Variants in SLCO4C1 observed in about 807,000 individuals in gnomAD.
SLCO4C1 encodes organic anion transporter M1.
SLCO4C1 carries 58 observed loss-of-function variants against 72.1 expected under a neutral mutation model. The observed-to-expected ratio is 0.80, with a 90% CI of 0.65 to 1.00. The LOEUF (loss-of-function observed/expected upper bound fraction) is 1.00. Ranked by LOEUF, SLCO4C1 falls within the 50% of genes least tolerant of loss-of-function variation. The probability of loss-of-function intolerance (pLI) is 0.00; values close to 1 mark genes in which losing one functional copy is unlikely to be tolerated. For missense variants in SLCO4C1, 898 were observed against 857.9 expected, an observed-to-expected ratio of 1.05 and a Z score of -0.58; for synonymous variants, 297 against 312.5, an observed-to-expected ratio of 0.95 and a Z score of 0.52.
chr5:102,267,271 G>A (rs1388804733), intron 3 of SLCO4C1, among the ~76,000 whole-genome samples: 2 of 152,114 alleles, frequency 1.3e-5, no homozygotes, highest in East Asian at 1.9e-4. Flanking sequence ...TTGTTTCATA[G>A]GAGACTTTTT....
At position 102,235,981 on chromosome 5, in the gene SLCO4C1, T is replaced by A. The variant is rs182380406; in HGVS notation, c.*877A>T. ...GTGCTATGAGTAATGTGTTAAGTGG[T>A]TGGCTTTTCAAATAGGAAAAATTAA... On this transcript the variant is annotated 3_prime_UTR_variant, in exon 13 of 13. Transcript: ENST00000310954. 2.6e-5 allele frequency: 4 copies of A among 152,220 alleles called. No individual in the cohort carries two copies. The highest frequency in any genetic ancestry group is 2.0e-4 in the Admixed American group (3 of 15,284). The allele number at this position is 152,220 out of a possible 1,614,324, so 9.4% of individuals were successfully genotyped here.
At chr5:102,257,449 A>C in intron 7 of SLCO4C1, 139 bp from the exon 8 acceptor site, 1 of 598,716 alleles carries the variant, frequency 1.7e-6, no homozygotes, top group Non-Finnish European at 2.7e-6. Context: ...TACATGTACA[A>C]ATGACTTAAA....
chr5:102,280,695 C>T (rs547154713), intron 2 of SLCO4C1, among the ~76,000 whole-genome samples: 2 of 151,986 alleles, frequency 1.3e-5, no homozygotes, highest in South Asian at 2.1e-4. Context: ...CTTACATGGT[C>T]GCAGGCGAGA....
chr5:102,268,946 G>C (rs912287298), intron 3 of SLCO4C1, among the ~76,000 whole-genome samples: 3 of 152,042 alleles, frequency 2.0e-5, no homozygotes, highest in African/African-American at 7.2e-5. Context: ...ACAGACAGCT[G>C]TGTCCCTCCC....
chr5:102,260,530 T>C (rs1748921719), intron 5 of SLCO4C1, among the ~76,000 whole-genome samples: 1 of 151,490 alleles, frequency 6.6e-6, no homozygotes, highest in Non-Finnish European at 1.5e-5. Context: ...TGTTCAAATA[T>C]GTAAATATCC....
chr5:102,246,840 G>A (rs1199925017), intron 10 of SLCO4C1, among the ~76,000 whole-genome samples: 1 of 152,138 alleles, frequency 6.6e-6, no homozygotes, highest in Non-Finnish European at 1.5e-5. Context: ...GTAATAGCCA[G>A]TTTCTTATTG....
At chr5:102,244,871 G>A (rs1391113025) in intron 10 of SLCO4C1, among the ~76,000 whole-genome samples, 1 of 152,146 alleles carries the variant, frequency 6.6e-6, no homozygotes, top group African/African-American at 2.4e-5. Context: ...TGCCAGGCCT[G>A]TCCTATAAGA....
intron 9 of SLCO4C1, among the ~76,000 whole-genome samples, chr5:102,248,585 C>T (rs1372546742): frequency 2.0e-5 from 3 of 152,004 alleles, no homozygotes; most frequent in Non-Finnish European, 4.4e-5. Flanking sequence ...TGACTAAAAC[C>T]CTTCCTAATA....
chr5:102,242,715 T>C (rs1440858715), intron 10 of SLCO4C1, among the ~76,000 whole-genome samples: 1 of 152,112 alleles, frequency 6.6e-6, no homozygotes, highest in Admixed American at 6.6e-5. Context: ...AGATACTACA[T>C]TGAGGGCGTT....
chr5:102,239,209 A>G, intron 12 of SLCO4C1, 42 bp downstream of exon 12: 1 of 1,481,152 alleles, frequency 6.8e-7, no homozygotes, highest in African/African-American at 1.4e-5. Flanking sequence ...TTTTTTTTAC[A>G]TCCTTAGTTT....
rs1320232719 is a variant in SLCO4C1, at chr5:102,291,448, G to A, written c.514C>T (p.Pro172Ser). The A allele has an allele frequency of 6.2e-7, 1 of 1,614,108 alleles. No individual in the cohort carries two copies. Among genetic ancestry groups the A allele is most frequent in the East Asian group, 2.2e-5 (1 of 44,860 alleles). ...VSFFGERGHKPRWLAFAAFMI... is the reference protein window; with the variant it reads ...VSFFGERGHKSRWLAFAAFMI... ...AAGGCTGCAAATGCAAGCCATCTCG[G>A]CTTATGTCCTCTTTCACCAAAGAAT... Residue 172 changes from proline (P) to serine (S), a missense_variant, in exon 2 of 13, where the codon CCG becomes TCG. Transcript: ENST00000310954.
chr5:102,280,750 C>T (rs1027067709), intron 2 of SLCO4C1, among the ~76,000 whole-genome samples: 2 of 152,150 alleles, frequency 1.3e-5, no homozygotes, highest in Admixed American at 6.6e-5. Flanking sequence ...AAACCATCAG[C>T]TCTCATGAGA....
rs758960305 is a variant in SLCO4C1, at chr5:102,236,879, G to A, written c.2154C>T (p.Asn718=). 2 of 1,611,730 alleles carry A rather than the reference G, an allele frequency of 1.2e-6. No individual in the cohort carries two copies. Among genetic ancestry groups the A allele is most frequent in the South Asian group, 1.1e-5 (1 of 90,482 alleles). ...CATTTCACCCTTCTTTTACTATTTT[G>A]TTGAGATCCTGTTCTGCTAAAACAT... The part of the protein sequence containing the change: ...VTNVLAEQDL[N]KIVKEG Residue 718 remains asparagine, a synonymous_variant, in exon 13 of 13, where the codon AAC becomes AAT. Coordinates refer to ENST00000310954, the MANE Select transcript of SLCO4C1 (RefSeq NM_180991.5).
chr5:102,243,906 C>T (rs1449179184), intron 10 of SLCO4C1, among the ~76,000 whole-genome samples: 3 of 152,092 alleles, frequency 2.0e-5, no homozygotes, highest in Admixed American at 1.3e-4. Flanking sequence ...TAATATTGGC[C>T]AGGCATGGTG....
chr5:102,278,400 G>A (rs1749288909), intron 2 of SLCO4C1, among the ~76,000 whole-genome samples: 1 of 152,104 alleles, frequency 6.6e-6, no homozygotes. Context: ...TACAATAAAA[G>A]ATTTCAAAAC....
chr5:102,259,758 C>T (rs1748901177), intron 6 of SLCO4C1, among the ~76,000 whole-genome samples: 1 of 152,042 alleles, frequency 6.6e-6, no homozygotes, highest in Non-Finnish European at 1.5e-5. Flanking sequence ...AATATATTTA[C>T]AATTCAGTGA....
chr5:102,278,292 A>C (rs2112386459), intron 2 of SLCO4C1, among the ~76,000 whole-genome samples: 1 of 152,308 alleles, frequency 6.6e-6, no homozygotes, highest in South Asian at 2.1e-4. Context: ...AAAAATAGTC[A>C]ATTTACCAAG....
intron 10 of SLCO4C1, among the ~76,000 whole-genome samples, chr5:102,244,602 C>T (rs764391562): frequency 6.6e-6 from 1 of 152,096 alleles, no homozygotes; most frequent in African/African-American, 2.4e-5. Context: ...AATAATCAAA[C>T]TCTCAAACAT....
intron 3 of SLCO4C1, among the ~76,000 whole-genome samples, chr5:102,268,043 AAAG>A (rs1274094539): frequency 6.6e-6 from 1 of 152,130 alleles, no homozygotes; most frequent in Non-Finnish European, 1.5e-5. Flanking sequence ...CATGTGCTGA[AAAG>A]AAGAACATGT....
Sources: gnomAD v4.1 joint callset for allele counts (sites outside exome capture counted in the v4.1 genomes callset) on GRCh38, gnomAD v4.1.1 for gene constraint, MANE v1.5 for transcripts, NCBI Gene and HGNC (gene_info 2026-07-23, HGNC 2026-07-21) for gene names.